The following ANOS1 variants were observed in gnomAD, a reference collection of about 807,000 sequenced individuals.
ANOS1 encodes the protein anosmin 1.
In ANOS1, 6 loss-of-function variants were observed where a neutral mutation model predicts 59.0. That is an observed-to-expected ratio of 0.10 (90% CI 0.06 to 0.20). ANOS1 has a LOEUF of 0.20. Ranked by LOEUF, ANOS1 falls within the 10% of genes least tolerant of loss-of-function variation. The probability of loss-of-function intolerance (pLI) is 1.00; values close to 1 mark genes in which losing one functional copy is unlikely to be tolerated. For synonymous variants in ANOS1, 217 were observed against 223.4 expected (o/e 0.97, Z 0.25); for missense variants, 433 against 542.3 (o/e 0.80, Z 2.00).
At chrX:8,548,638 C>T (rs2146793767) in intron 9 of ANOS1, among the ~76,000 whole-genome samples, 1 of 112,485 alleles carries the variant, frequency 8.9e-6, no homozygotes, top group African/African-American at 3.2e-5. Flanking sequence ...TAAGCAGTAA[C>T]ACTGTAACCA....
intron 3 of ANOS1, among the ~76,000 whole-genome samples, chrX:8,620,288 G>C (rs1295265116): frequency 8.9e-6 from 1 of 112,096 alleles, no homozygotes; most frequent in African/African-American, 3.2e-5. Flanking sequence ...TATAAAACAA[G>C]AGGCAGACCA....
chrX:8,697,686 A>T (rs1932703641), intron 2 of ANOS1, among the ~76,000 whole-genome samples: 1 of 112,349 alleles, frequency 8.9e-6, no homozygotes, highest in Non-Finnish European at 1.9e-5. Context: ...AAATTGTAGC[A>T]TTAACACTGC....
intron 8 of ANOS1, among the ~76,000 whole-genome samples, chrX:8,560,930 C>G (rs920901622): frequency 8.9e-6 from 1 of 112,405 alleles, no homozygotes; most frequent in Non-Finnish European, 1.9e-5. Flanking sequence ...TTCAAATAGC[C>G]CTCTGAGAGA....
chrX:8,707,071 C>A (rs1164043159), intron 1 of ANOS1, among the ~76,000 whole-genome samples: 1 of 111,404 alleles, frequency 9.0e-6, no homozygotes, highest in Non-Finnish European at 1.9e-5. Context: ...TCCCCCCAGG[C>A]ACTCTATCAC....
chrX:8,626,689 C>A, intron 2 of ANOS1, among the ~76,000 whole-genome samples: 1 of 109,081 alleles, frequency 9.2e-6, no homozygotes, highest in Non-Finnish European at 1.9e-5. Context: ...GAAACCCTGT[C>A]TCTACTAAAA....
intron 1 of ANOS1, among the ~76,000 whole-genome samples, chrX:8,729,493 G>A (rs1027191059): frequency 7.1e-5 from 7 of 99,264 alleles, no homozygotes; most frequent in Non-Finnish European, 1.0e-4. Context: ...CTGCCTCCCG[G>A]GTTCAAGGAT....
intron 2 of ANOS1, among the ~76,000 whole-genome samples, chrX:8,667,656 CTG>C (rs986818468): frequency 1.8e-5 from 2 of 111,461 alleles, no homozygotes; most frequent in African/African-American, 6.5e-5. Flanking sequence ...ATTTCAGACC[CTG>C]TGAGGTCTAC....
chrX:8,641,414 A>G (rs755989359), intron 2 of ANOS1, among the ~76,000 whole-genome samples: 1 of 112,305 alleles, frequency 8.9e-6, no homozygotes, highest in Non-Finnish European at 1.9e-5. Context: ...TATTTCTGTG[A>G]TCCCTTTTTT....
At chrX:8,669,187 C>T (rs1003118456) in intron 2 of ANOS1, among the ~76,000 whole-genome samples, 13 of 111,388 alleles carry the variant, frequency 1.2e-4, no homozygotes, top group Non-Finnish European at 2.3e-4. Flanking sequence ...GGGAAAATAT[C>T]GTCTCTTATG....
chrX:8,688,789 T>C (rs1394854035), intron 2 of ANOS1, among the ~76,000 whole-genome samples: 1 of 112,158 alleles, frequency 8.9e-6, no homozygotes, highest in Non-Finnish European at 1.9e-5. Flanking sequence ...GCAGGAAGCT[T>C]TGCATGTTCT....
intron 9 of ANOS1, among the ~76,000 whole-genome samples, chrX:8,552,669 T>C (rs1929875060): frequency 9.0e-6 from 1 of 111,699 alleles, no homozygotes; most frequent in Non-Finnish European, 1.9e-5. Context: ...GCTTGAGATA[T>C]TTACTTTTTC....
intron 6 of ANOS1, among the ~76,000 whole-genome samples, chrX:8,576,519 T>C (rs1046678489): frequency 1.1e-4 from 11 of 98,959 alleles, no homozygotes; most frequent in African/African-American, 2.8e-4. Context: ...CACACACACA[T>C]ATATAGATGT....
intron 9 of ANOS1, among the ~76,000 whole-genome samples, chrX:8,541,513 G>A (rs778442070): frequency 9.8e-6 from 1 of 101,619 alleles, no homozygotes; most frequent in Non-Finnish European, 2.0e-5. Context: ...TATATAAGGC[G>A]GCTGGCGTGT....
At chrX:8,542,173 A>G (rs958708832) in intron 9 of ANOS1, among the ~76,000 whole-genome samples, 2 of 109,739 alleles carry the variant, frequency 1.8e-5, no homozygotes, top group Admixed American at 9.7e-5. Context: ...TTCTGCTGAC[A>G]GCTCCCAAAT....
At chrX:8,604,434 T>C (rs1352334073) in intron 3 of ANOS1, among the ~76,000 whole-genome samples, 1 of 112,419 alleles carries the variant, frequency 8.9e-6, no homozygotes. Flanking sequence ...GACTTCCTGA[T>C]TCTACATGTT....
intron 2 of ANOS1, among the ~76,000 whole-genome samples, chrX:8,691,262 CG>C (rs1435159957): frequency 1.8e-5 from 2 of 109,699 alleles, no homozygotes; most frequent in Non-Finnish European, 1.9e-5. Flanking sequence ...TTAGTAGAGA[CG>C]GGGTTTCACC....
chrX:8,661,786 CT>C (rs1396604868), intron 2 of ANOS1, among the ~76,000 whole-genome samples: 1 of 111,676 alleles, frequency 9.0e-6, no homozygotes, highest in Non-Finnish European at 1.9e-5. Flanking sequence ...CCAATTAGCA[CT>C]GTTACTTCTA....
intron 2 of ANOS1, among the ~76,000 whole-genome samples, chrX:8,680,173 A>AC (rs776753066): frequency 3.6e-3 from 386 of 107,045 alleles, no homozygotes; most frequent in Non-Finnish European, 6.2e-3. Context: ...AAAAAAAAAA[A>AC]AAAAAAAAAA....
At chrX:8,597,658 C>A (rs1340828525) in intron 3 of ANOS1, among the ~76,000 whole-genome samples, 1 of 25,146 alleles carries the variant, frequency 4.0e-5, no homozygotes, top group African/African-American at 1.4e-4. Context: ...TTCTTTCTCC[C>A]TTTTTTTTTT....
Sources: gnomAD v4.1 joint callset for allele counts (sites outside exome capture counted in the v4.1 genomes callset) on GRCh38, gnomAD v4.1.1 for gene constraint, MANE v1.5 for transcripts, NCBI Gene and HGNC (gene_info 2026-07-23, HGNC 2026-07-21) for gene names.